CMSS1: variants seen among roughly 807,000 people sequenced by gnomAD.
CMSS1 encodes the protein protein CMSS1.
A neutral mutation model predicts 43.5 loss-of-function variants in CMSS1; 33 were observed. That is an observed-to-expected ratio of 0.76 (90% confidence interval 0.57 to 1.01). The LOEUF (loss-of-function observed/expected upper bound fraction) is 1.01, where lower values mean the gene tolerates loss of function less well. Ranked by LOEUF, CMSS1 falls within the 50% of genes least tolerant of loss-of-function variation. The pLI is 0.00. For missense variants in CMSS1, 313 were observed against 326.4 expected, an observed-to-expected ratio of 0.96 and a Z score of 0.32; for synonymous variants, 115 against 117.2, an observed-to-expected ratio of 0.98 and a Z score of 0.12.
intron 1 of CMSS1, among the ~76,000 whole-genome samples, chr3:100,055,697 G>C (rs1361720691): frequency 6.6e-6 from 1 of 152,070 alleles, no homozygotes; most frequent in East Asian, 1.9e-4. Context: ...TTCTTTAGTA[G>C]TCAAACATTC....
chr3:99,862,699 T>G (rs1341447750), intron 1 of CMSS1, among the ~76,000 whole-genome samples: 1 of 152,192 alleles, frequency 6.6e-6, no homozygotes, highest in Non-Finnish European at 1.5e-5. Flanking sequence ...AAGTCACTGT[T>G]TTAGGGCATA....
chr3:100,172,439 C>A (rs2067118823), intron 8 of CMSS1, 36 bp downstream of exon 8: 4 of 1,525,606 alleles, frequency 2.6e-6, no homozygotes, highest in Middle Eastern at 1.7e-4. Context: ...TTGCCCAGGG[C>A]TGGGAGTTTG....
At chr3:100,146,913 A>C in intron 1 of CMSS1, 60 bp from the exon 2 acceptor site, 1 of 1,565,146 alleles carries the variant, frequency 6.4e-7, no homozygotes, top group Non-Finnish European at 8.7e-7. Flanking sequence ...GATGGTACCA[A>C]GATTGCACTA....
intron 2 of CMSS1, among the ~76,000 whole-genome samples, chr3:100,155,364 T>G (rs1399518893): frequency 1.3e-5 from 2 of 152,258 alleles, no homozygotes; most frequent in Non-Finnish European, 2.9e-5. Context: ...CATTTCTTTA[T>G]TTGCCTGGCT....
chr3:99,929,878 A>G (rs1185021769), intron 1 of CMSS1: 18 of 1,613,200 alleles, frequency 1.1e-5, no homozygotes, highest in Non-Finnish European at 1.4e-5. Context: ...TTTCTCATAG[A>G]TGTCCTCCTG....
At chr3:99,852,987 T>TA (rs1327239141) in intron 1 of CMSS1, among the ~76,000 whole-genome samples, 1 of 152,196 alleles carries the variant, frequency 6.6e-6, no homozygotes, top group Admixed American at 6.5e-5. Flanking sequence ...ATTCAGAAGA[T>TA]GCTAGGCAGG....
intron 1 of CMSS1, among the ~76,000 whole-genome samples, chr3:99,899,154 C>A (rs1228456182): frequency 1.3e-5 from 2 of 152,144 alleles, no homozygotes; most frequent in African/African-American, 4.8e-5. Context: ...GAACTCATTT[C>A]TTTTTATCTA....
intron 1 of CMSS1, among the ~76,000 whole-genome samples, chr3:100,109,400 A>C (rs1178790712): frequency 6.6e-6 from 1 of 152,198 alleles, no homozygotes; most frequent in African/African-American, 2.4e-5. Context: ...AAGCTCATGC[A>C]ATCATGTAAC....
chr3:99,934,949 A>G (rs947008905), intron 1 of CMSS1, among the ~76,000 whole-genome samples: 2 of 152,208 alleles, frequency 1.3e-5, no homozygotes, highest in African/African-American at 4.8e-5. Flanking sequence ...TGGTGTTCAC[A>G]TTGGATTTGT....
intron 1 of CMSS1, among the ~76,000 whole-genome samples, chr3:99,870,125 T>C (rs1944717472): frequency 6.6e-6 from 1 of 152,220 alleles, no homozygotes; most frequent in Admixed American, 6.5e-5. Flanking sequence ...TTATTGCTCA[T>C]TATTCAATCT....
chr3:99,877,694 T>C (rs1040947922), intron 1 of CMSS1, among the ~76,000 whole-genome samples: 10 of 152,220 alleles, frequency 6.6e-5, no homozygotes, highest in Admixed American at 5.2e-4. Flanking sequence ...GTGAATTGCA[T>C]TGTAATCTTT....
In CMSS1 at chr3:100,010,929, G is replaced by C. The variant is rs1310538035; in HGVS notation, c.65-136044G>C. ...GATGTGAGCCACCGCGCCCAGCTGA[G>C]AGTTTTTCTTTTGCATCATAGTTTA... On this transcript the variant is annotated intron_variant, in intron 1 of 9. Coordinates refer to ENST00000421999, the MANE Select transcript of CMSS1 (RefSeq NM_032359.4). Among the ~76,000 whole-genome samples the C allele has an allele frequency of 2.6e-5, 4 of 151,746 alleles. No homozygotes were observed. In the South Asian group the frequency reaches 8.3e-4, roughly 32 times the overall value.
At chr3:100,151,926 C>A (rs904303019) in intron 2 of CMSS1, among the ~76,000 whole-genome samples, 22 of 152,308 alleles carry the variant, frequency 1.4e-4, no homozygotes, top group Admixed American at 1.4e-3. Context: ...TCTTTGAGTA[C>A]ATTTCTTCTT....
intron 1 of CMSS1, among the ~76,000 whole-genome samples, chr3:100,113,586 GAA>G (rs1394767635): frequency 1.3e-5 from 2 of 152,138 alleles, no homozygotes; most frequent in African/African-American, 4.8e-5. Context: ...ATCTTTCCAT[GAA>G]AAGAGAATTC....
intron 1 of CMSS1, among the ~76,000 whole-genome samples, chr3:99,974,277 G>A (rs1708904318): frequency 6.6e-6 from 1 of 152,162 alleles, no homozygotes; most frequent in African/African-American, 2.4e-5. Context: ...TTCAAGCACG[G>A]GTTGATTTAT....
chr3:99,994,265 T>A (rs1312777604), intron 1 of CMSS1, among the ~76,000 whole-genome samples: 1 of 152,186 alleles, frequency 6.6e-6, no homozygotes, highest in African/African-American at 2.4e-5. Context: ...AAGAAAGAGA[T>A]AGATGGCAAT....
intron 9 of CMSS1, among the ~76,000 whole-genome samples, chr3:100,177,532 T>C (rs1245663277): frequency 6.6e-6 from 1 of 152,242 alleles, no homozygotes; most frequent in African/African-American, 2.4e-5. Flanking sequence ...AATAAAATCC[T>C]ATACTGAACT....
chr3:99,987,810 TG>T (rs138528019), intron 1 of CMSS1, among the ~76,000 whole-genome samples: 1 of 152,306 alleles, frequency 6.6e-6, no homozygotes, highest in Non-Finnish European at 1.5e-5. Context: ...CAAAAAGAAA[TG>T]TTTTTATTAA....
intron 1 of CMSS1, among the ~76,000 whole-genome samples, chr3:100,080,645 AG>A (rs1374519557): frequency 3.5e-4 from 53 of 152,332 alleles, no homozygotes; most frequent in Non-Finnish European, 1.2e-4. Context: ...TTCTCCCGAT[AG>A]CAAGAGGCAG....
Sources: allele counts gnomAD v4.1 joint callset (sites outside exome capture counted in the v4.1 genomes callset), GRCh38; gene constraint gnomAD v4.1.1; transcripts MANE v1.5; gene names NCBI Gene and HGNC (gene_info 2026-07-23, HGNC 2026-07-21).